The following CHN2 variants were observed in gnomAD, a reference collection of about 807,000 sequenced individuals.
CHN2 encodes beta-chimaerin.
In CHN2, 35 loss-of-function variants were observed where a neutral mutation model predicts 56.3. That is an observed-to-expected ratio of 0.62 (90% CI 0.47 to 0.82). CHN2 has a LOEUF of 0.82. Among genes scored for constraint, CHN2 ranks in the 40% least tolerant of loss-of-function variants. CHN2 has a pLI of 0.00. For missense variants in CHN2, 491 were observed against 580.5 expected (o/e 0.85, Z 1.58); for synonymous variants, 210 against 212.8 (o/e 0.99, Z 0.12).
chr7:29,336,968 C>A (rs1169176958), intron 1 of CHN2, among the ~76,000 whole-genome samples: 1 of 152,014 alleles, frequency 6.6e-6, no homozygotes, highest in Non-Finnish European at 1.5e-5. Context: ...TTCCCATTCG[C>A]CCCTGCCAGG....
intron 1 of CHN2, among the ~76,000 whole-genome samples, chr7:29,330,767 G>A (rs1021522718): frequency 4.6e-5 from 7 of 152,312 alleles, no homozygotes; most frequent in African/African-American, 7.2e-5. Context: ...AGGGGAGAGC[G>A]TTGGTGGTGT....
intron 3 of CHN2, among the ~76,000 whole-genome samples, chr7:29,388,148 C>T (rs765504280): frequency 1.3e-5 from 2 of 152,020 alleles, no homozygotes; most frequent in African/African-American, 2.4e-5. Flanking sequence ...AGCTTTGCTG[C>T]GCTATACATT....
chr7:29,332,696 A>G (rs191323489), intron 1 of CHN2, among the ~76,000 whole-genome samples: 5 of 152,252 alleles, frequency 3.3e-5, no homozygotes, highest in Non-Finnish European at 7.4e-5. Flanking sequence ...TGTGTAAAGT[A>G]TTCAATACTT....
chr7:29,259,023 T>TAA (rs34469755), intron 1 of CHN2, among the ~76,000 whole-genome samples: 80 of 142,894 alleles, frequency 5.6e-4, no homozygotes, highest in Middle Eastern at 3.6e-3. Context: ...CTATGTAGCT[T>TAA]AAAAAAAAAA....
At chr7:29,397,934 T>A (rs1801886705) in intron 4 of CHN2, 1 of 154,332 alleles carries the variant, frequency 6.5e-6, no homozygotes, top group South Asian at 2.0e-4. Flanking sequence ...AACACCACCC[T>A]GCACCTGAAG....
intron 6 of CHN2, among the ~76,000 whole-genome samples, chr7:29,419,517 A>G (rs1804115853): frequency 6.6e-6 from 1 of 152,196 alleles, no homozygotes; most frequent in Admixed American, 6.5e-5. Flanking sequence ...CTATGTGTCA[A>G]AGGATGCAAT....
intron 1 of CHN2, among the ~76,000 whole-genome samples, chr7:29,309,173 T>C (rs1030725804): frequency 6.6e-6 from 1 of 151,310 alleles, no homozygotes; most frequent in African/African-American, 2.4e-5. Context: ...AGCCAAAAGC[T>C]TTTTTTTTGT....
In CHN2 at chr7:29,512,983, G is replaced by C. The variant is rs1034039362; in HGVS notation, c.*248G>C. ...TGTGCCTCCTATGTATGTCTGGTTT[G>C]CTGGAAGAGTGATTAATACATCTTT... On this transcript the variant is annotated 3_prime_UTR_variant, in exon 13 of 13. Transcript: ENST00000222792. 1.3e-5 allele frequency: 5 copies of C among 383,706 alleles called. No individual in the cohort carries two copies. The highest frequency in any genetic ancestry group is 6.1e-5 in the African/African-American group (3 of 49,286). 23.8% of individuals were successfully genotyped at this position (383,706 alleles called of 1,614,324 possible). A position where few individuals can be genotyped will look rare whatever the true frequency, so the allele number is the denominator to read the frequency against.
chr7:29,506,644 C>A lies in CHN2; in HGVS notation c.992-584C>A, dbSNP rs138147243. On this transcript the variant is annotated intron_variant, in intron 10 of 12. Coordinates refer to ENST00000222792, the MANE Select transcript of CHN2 (RefSeq NM_004067.4). ...AGAGTGAGATTCTGTCTCACACACA[C>A]AAAAAAGAATGATAAGAAATATAAC... Among the ~76,000 whole-genome samples, 28 of 152,058 alleles carry A rather than the reference C, an allele frequency of 1.8e-4. 1 individual carries two copies. In the East Asian group the frequency reaches 1.9e-3, roughly 11 times the overall value.
chr7:29,285,283 G>A (rs1044884439), intron 1 of CHN2, among the ~76,000 whole-genome samples: 2 of 152,196 alleles, frequency 1.3e-5, no homozygotes, highest in African/African-American at 4.8e-5. Flanking sequence ...CAGAGCAAAT[G>A]GAACTCTTTT....
intron 6 of CHN2, among the ~76,000 whole-genome samples, chr7:29,402,307 A>G (rs981430126): frequency 6.6e-6 from 1 of 152,188 alleles, no homozygotes; most frequent in Non-Finnish European, 1.5e-5. Flanking sequence ...GGCCCATGAA[A>G]ATATAATTTG....
intron 2 of CHN2, among the ~76,000 whole-genome samples, chr7:29,179,536 T>C (rs572445478): frequency 2.0e-5 from 3 of 152,328 alleles, no homozygotes; most frequent in East Asian, 3.9e-4. Flanking sequence ...ATTCTGATAC[T>C]TGTCCTAAGT....
intron 6 of CHN2, among the ~76,000 whole-genome samples, chr7:29,448,898 G>A (rs1784213160): frequency 6.6e-6 from 1 of 152,192 alleles, no homozygotes; most frequent in Non-Finnish European, 1.5e-5. Context: ...CTTGAGAACA[G>A]AAACCAGTCC....
intron 1 of CHN2, among the ~76,000 whole-genome samples, chr7:29,255,069 A>C (rs1196949301): frequency 6.6e-6 from 1 of 152,154 alleles, no homozygotes; most frequent in Non-Finnish European, 1.5e-5. Flanking sequence ...GTCCATTTAC[A>C]CCAGGAGCCT....
At chr7:29,289,796 G>A (rs940642222) in intron 1 of CHN2, among the ~76,000 whole-genome samples, 69 of 152,292 alleles carry the variant, frequency 4.5e-4, no homozygotes, top group African/African-American at 1.6e-3. Context: ...ACTTACATAT[G>A]CATTTACCCG....
intron 6 of CHN2, among the ~76,000 whole-genome samples, chr7:29,442,299 G>T (rs962876485): frequency 4.6e-5 from 7 of 152,170 alleles, no homozygotes; most frequent in African/African-American, 1.7e-4. Flanking sequence ...TCAAATGGGT[G>T]CATCTCAGGT....
intron 6 of CHN2, among the ~76,000 whole-genome samples, chr7:29,404,566 C>T (rs1367093965): frequency 1.3e-5 from 2 of 152,034 alleles, no homozygotes; most frequent in Admixed American, 1.3e-4. Flanking sequence ...TATCACACAA[C>T]CCCAGGAAAG....
At chr7:29,494,951 A>T (rs1044634508) in intron 7 of CHN2, among the ~76,000 whole-genome samples, 12 of 8,388 alleles carry the variant, frequency 1.4e-3, no homozygotes, top group East Asian at 0.01. Context: ...AGCAGTTTGT[A>T]AAAAAAAAAA....
At chr7:29,364,002 A>G (rs1386794962) in intron 2 of CHN2, among the ~76,000 whole-genome samples, 2 of 152,134 alleles carry the variant, frequency 1.3e-5, no homozygotes, top group African/African-American at 4.8e-5. Context: ...TGAGACCCCC[A>G]TCTCTTAAAA....
Sources: allele counts gnomAD v4.1 joint callset (sites outside exome capture counted in the v4.1 genomes callset), GRCh38; gene constraint gnomAD v4.1.1; transcripts MANE v1.5; gene names NCBI Gene and HGNC (gene_info 2026-07-23, HGNC 2026-07-21).